DACH2: variants seen among roughly 807,000 people sequenced by gnomAD.
The protein encoded by DACH2 is dachshund family transcription factor 2.
In DACH2, 17 loss-of-function variants were observed where a neutral mutation model predicts 35.8. The observed-to-expected ratio is 0.48, with a 90% CI of 0.33 to 0.71. DACH2 has a LOEUF of 0.71. Ranked by LOEUF, DACH2 falls within the 30% of genes least tolerant of loss-of-function variation. The pLI is 0.02. For missense variants in DACH2, 469 were observed against 472.7 expected, an observed-to-expected ratio of 0.99 and a Z score of 0.07; for synonymous variants, 195 against 177.3, an observed-to-expected ratio of 1.10 and a Z score of -0.79.
chrX:86,489,759 T>C (rs1172036842), intron 2 of DACH2, among the ~76,000 whole-genome samples: 1 of 111,921 alleles, frequency 8.9e-6, no homozygotes, highest in East Asian at 2.8e-4. Context: ...TATATCCTCA[T>C]ACATTATCTT....
intron 4 of DACH2, among the ~76,000 whole-genome samples, chrX:86,694,645 T>C (rs2041046360): frequency 8.9e-6 from 1 of 112,282 alleles, no homozygotes; most frequent in African/African-American, 3.2e-5. Flanking sequence ...TGTGTTCTTT[T>C]TCAGTGATCA....
chrX:86,150,500 G>A (rs1399325217), intron 1 of DACH2, among the ~76,000 whole-genome samples: 1 of 111,898 alleles, frequency 8.9e-6, no homozygotes, highest in African/African-American at 3.3e-5. Flanking sequence ...ACTTACAAGG[G>A]AAGCTTTTTC....
At chrX:86,582,560 A>G (rs1048443880) in intron 3 of DACH2, among the ~76,000 whole-genome samples, 1 of 110,481 alleles carries the variant, frequency 9.1e-6, no homozygotes, top group African/African-American at 3.3e-5. Flanking sequence ...ACACACAAAA[A>G]CCCTCAGATA....
chrX:86,439,345 GA>G (rs1462596062), intron 2 of DACH2, among the ~76,000 whole-genome samples: 1 of 111,836 alleles, frequency 8.9e-6, no homozygotes, highest in East Asian at 2.8e-4. Flanking sequence ...TCCCATTCAA[GA>G]GGGTATTTCT....
At chrX:86,596,354 A>G (rs749527400) in intron 3 of DACH2, among the ~76,000 whole-genome samples, 2 of 111,612 alleles carry the variant, frequency 1.8e-5, no homozygotes, top group Non-Finnish European at 3.8e-5. Context: ...AGCAATGTAT[A>G]TGAATTTTAA....
chrX:86,299,254 A>G (rs2034527341), intron 1 of DACH2, among the ~76,000 whole-genome samples: 1 of 112,040 alleles, frequency 8.9e-6, no homozygotes. Context: ...TAATTAAGCT[A>G]CTGTGGATGA....
intron 2 of DACH2, among the ~76,000 whole-genome samples, chrX:86,418,416 A>C (rs1335850239): frequency 1.8e-5 from 2 of 112,229 alleles, no homozygotes; most frequent in African/African-American, 6.5e-5. Context: ...AGGTGTTTCC[A>C]TACATCCTCT....
intron 2 of DACH2, among the ~76,000 whole-genome samples, chrX:86,393,986 CT>C (rs750939426): frequency 2.8e-4 from 30 of 107,263 alleles, no homozygotes; most frequent in African/African-American, 9.4e-4. Context: ...TTATAAATGT[CT>C]TTTTTTTCCT....
At chrX:86,524,308 G>A (rs1027627909) in intron 3 of DACH2, among the ~76,000 whole-genome samples, 1 of 112,134 alleles carries the variant, frequency 8.9e-6, no homozygotes, top group Non-Finnish European at 1.9e-5. Flanking sequence ...TGAGAGGAGT[G>A]AAAGCAGTGA....
chrX:86,800,976 T>C (rs1219243502), intron 7 of DACH2, among the ~76,000 whole-genome samples: 1 of 111,399 alleles, frequency 9.0e-6, no homozygotes, highest in Non-Finnish European at 1.9e-5. Flanking sequence ...GGCGCAACAG[T>C]TTTTATTATC....
chrX:86,312,666 C>T (rs1031650927), intron 1 of DACH2, among the ~76,000 whole-genome samples: 2 of 111,732 alleles, frequency 1.8e-5, no homozygotes, highest in Admixed American at 9.5e-5. Flanking sequence ...CATGACTGGC[C>T]TAGCCTCCCA....
In DACH2 at chrX:86,360,146, AATTAAATATT is replaced by A. The variant is rs1169754708; in HGVS notation, c.489-16676_489-16667del. Among the ~76,000 whole-genome samples, 49 of 111,415 alleles carry A rather than the reference AATTAAATATT, an allele frequency of 4.4e-4. 1 individual carries two copies. The highest frequency in any genetic ancestry group is 1.5e-3 in the African/African-American group (46 of 30,690). Reference sequence around the variant, plus strand: ...GGCTTCTCAAAGATTGTTTCCCTCTAATTAAATATTACTCATTTATATAGGATCCAGAACA... The same window carrying A: ...GGCTTCTCAAAGATTGTTTCCCTCTAACTCATTTATATAGGATCCAGAACA... On this transcript the variant is annotated intron_variant, in intron 1 of 11. Transcript: ENST00000373125.
chrX:86,160,176 A>AC (rs1176208890), intron 1 of DACH2: 1 of 1,028,424 alleles, frequency 9.7e-7, no homozygotes, highest in Non-Finnish European at 1.3e-6. Flanking sequence ...AACAGTTCAA[A>AC]GATTCTTCTT....
intron 4 of DACH2, among the ~76,000 whole-genome samples, chrX:86,693,262 C>T (rs764027637): frequency 5.3e-5 from 6 of 112,256 alleles, no homozygotes; most frequent in Non-Finnish European, 1.1e-4. Context: ...ATCTGAATGG[C>T]TTATAGCAGG....
At chrX:86,651,260 A>G in intron 4 of DACH2, 93 bp downstream of exon 4, 9 of 950,264 alleles carry the variant, frequency 9.5e-6, no homozygotes, top group Non-Finnish European at 1.3e-5. Flanking sequence ...GAGAATAATA[A>G]GTCTACTTTG....
At chrX:86,708,069 T>G (rs1415511735) in intron 5 of DACH2, among the ~76,000 whole-genome samples, 1 of 109,037 alleles carries the variant, frequency 9.2e-6, no homozygotes, top group South Asian at 3.9e-4. Flanking sequence ...GCAGAAAAAG[T>G]TTTTGAGAAA....
intron 6 of DACH2, among the ~76,000 whole-genome samples, chrX:86,717,082 C>A (rs181058944): frequency 2.7e-5 from 3 of 112,168 alleles, no homozygotes; most frequent in African/African-American, 9.7e-5. Flanking sequence ...TTAAAACACT[C>A]TGATAAAAAT....
At chrX:86,167,258 T>C (rs1226724115) in intron 1 of DACH2, among the ~76,000 whole-genome samples, 1 of 111,399 alleles carries the variant, frequency 9.0e-6, no homozygotes, top group Non-Finnish European at 1.9e-5. Context: ...ACTGTTCAGG[T>C]TTTGGATTTC....
At chrX:86,242,660 C>T (rs765946831) in intron 1 of DACH2, among the ~76,000 whole-genome samples, 9 of 111,111 alleles carry the variant, frequency 8.1e-5, no homozygotes, top group Non-Finnish European at 1.7e-4. Flanking sequence ...AAGCCAGGGG[C>T]TGAGTGATAT....
Sources: gnomAD v4.1 joint callset for allele counts (sites outside exome capture counted in the v4.1 genomes callset) on GRCh38, gnomAD v4.1.1 for gene constraint, MANE v1.5 for transcripts, NCBI Gene and HGNC (gene_info 2026-07-23, HGNC 2026-07-21) for gene names.